The following DOK6 variants were observed in gnomAD, a reference collection of about 807,000 sequenced individuals.
DOK6 encodes downstream of tyrosine kinase 6.
A neutral mutation model predicts 44.0 loss-of-function variants in DOK6; 22 were observed. That is an observed-to-expected ratio of 0.50 (90% CI 0.36 to 0.71). The LOEUF (loss-of-function observed/expected upper bound fraction) is 0.71, where lower values mean the gene tolerates loss of function less well. Ranked by LOEUF, DOK6 falls within the 30% of genes least tolerant of loss-of-function variation. The probability of loss-of-function intolerance (pLI) is 0.00; values close to 1 mark genes in which losing one functional copy is unlikely to be tolerated. For synonymous variants in DOK6, 166 were observed against 145.5 expected (o/e 1.14, Z -1.01); for missense variants, 340 against 416.4 (o/e 0.82, Z 1.60).
intron 1 of DOK6, among the ~76,000 whole-genome samples, chr18:69,437,789 A>G (rs1230466303): frequency 6.6e-6 from 1 of 152,168 alleles, no homozygotes; most frequent in Admixed American, 6.6e-5. Flanking sequence ...TCATTCAGGC[A>G]TATCTTAAAA....
intron 1 of DOK6, among the ~76,000 whole-genome samples, chr18:69,476,609 C>T (rs1165178138): frequency 6.6e-6 from 1 of 152,102 alleles, no homozygotes; most frequent in South Asian, 2.1e-4. Context: ...CCTCTGCCAC[C>T]CCCAGGTCCA....
chr18:69,595,763 T>C (rs1983726047), intron 2 of DOK6, among the ~76,000 whole-genome samples: 1 of 152,148 alleles, frequency 6.6e-6, no homozygotes, highest in African/African-American at 2.4e-5. Context: ...AGTTATGAGA[T>C]TAATAATTTA....
chr18:69,701,686 T>C (rs1986524089), intron 5 of DOK6, among the ~76,000 whole-genome samples: 1 of 152,216 alleles, frequency 6.6e-6, no homozygotes, highest in Non-Finnish European at 1.5e-5. Flanking sequence ...GCTTAAAATA[T>C]GTGTCTCACT....
At chr18:69,522,124 C>T (rs1442675) in intron 1 of DOK6, among the ~76,000 whole-genome samples, 4 of 151,468 alleles carry the variant, frequency 2.6e-5, no homozygotes, top group East Asian at 1.9e-4. Flanking sequence ...TGAATCCCTT[C>T]GAATGGACCT....
At chr18:69,686,121 A>G (rs1463134892) in intron 4 of DOK6, among the ~76,000 whole-genome samples, 3 of 152,092 alleles carry the variant, frequency 2.0e-5, no homozygotes, top group Non-Finnish European at 4.4e-5. Flanking sequence ...AGGGAAAACC[A>G]TATAAAGATA....
At chr18:69,770,257 A>C (rs901685348) in intron 7 of DOK6, among the ~76,000 whole-genome samples, 3 of 152,152 alleles carry the variant, frequency 2.0e-5, no homozygotes, top group South Asian at 2.1e-4. Context: ...TGGCACACAA[A>C]GATAAAATAA....
intron 3 of DOK6, among the ~76,000 whole-genome samples, chr18:69,646,045 T>G (rs1305153698): frequency 6.6e-6 from 1 of 152,164 alleles, no homozygotes; most frequent in Non-Finnish European, 1.5e-5. Flanking sequence ...CTAGTATTTA[T>G]TATATGTATT....
chr18:69,471,227 G>A (rs1460503010), intron 1 of DOK6, among the ~76,000 whole-genome samples: 4 of 92,084 alleles, frequency 4.3e-5, no homozygotes, highest in African/African-American at 7.6e-5. Context: ...TCTAGCCTGG[G>A]CAACAAAAGC....
rs117288370 is a variant in DOK6, at chr18:69,816,545, C to T, written c.857-24699C>T. 5.7e-3 allele frequency among the ~76,000 whole-genome samples: 861 copies of T among 152,182 alleles called. 18 individuals carry two copies. In the East Asian group the frequency reaches 0.076, roughly 13 times the overall value. On this transcript the variant is annotated intron_variant, in intron 7 of 7. Transcript: ENST00000382713. ...CTTTGGAGTATTATATCTTCCTCCA[C>T]GATAAACATAAATATTATGTATGGA...
At chr18:69,737,612 G>A (rs979825022) in intron 5 of DOK6, among the ~76,000 whole-genome samples, 4 of 152,148 alleles carry the variant, frequency 2.6e-5, no homozygotes, top group African/African-American at 9.7e-5. Context: ...AAACACTGAA[G>A]AAAGAACATC....
intron 1 of DOK6, among the ~76,000 whole-genome samples, chr18:69,445,586 G>A (rs1299258343): frequency 6.6e-6 from 1 of 151,906 alleles, no homozygotes; most frequent in African/African-American, 2.4e-5. Flanking sequence ...TCAGTCTATT[G>A]TGGCATATTA....
intron 3 of DOK6, among the ~76,000 whole-genome samples, chr18:69,656,588 A>C (rs539867374): frequency 6.6e-6 from 1 of 152,222 alleles, no homozygotes. Flanking sequence ...AAATAAGTCA[A>C]AAAGTTGCTA....
intron 2 of DOK6, among the ~76,000 whole-genome samples, chr18:69,578,382 G>T (rs938646193): frequency 6.6e-6 from 1 of 152,132 alleles, no homozygotes; most frequent in Non-Finnish European, 1.5e-5. Flanking sequence ...TTGTGTAAAA[G>T]TCATTTCTGC....
At chr18:69,745,630 G>T (rs555558388) in intron 6 of DOK6, among the ~76,000 whole-genome samples, 21 of 123,804 alleles carry the variant, frequency 1.7e-4, no homozygotes, top group Non-Finnish European at 2.2e-4. Context: ...AACACAGTAG[G>T]ATTTCAGAGA....
intron 2 of DOK6, among the ~76,000 whole-genome samples, chr18:69,598,584 A>G (rs1983801004): frequency 6.6e-6 from 1 of 152,166 alleles, no homozygotes; most frequent in East Asian, 1.9e-4. Flanking sequence ...CACCTTGATA[A>G]GCAGATTTTA....
At chr18:69,555,296 G>A (rs751476750) in intron 1 of DOK6, among the ~76,000 whole-genome samples, 10 of 152,010 alleles carry the variant, frequency 6.6e-5, no homozygotes, top group Non-Finnish European at 1.2e-4. Context: ...GTTAAGTGTC[G>A]CCATTTTGGA....
intron 7 of DOK6, among the ~76,000 whole-genome samples, chr18:69,801,202 T>A (rs536975486): frequency 6.6e-6 from 1 of 152,218 alleles, no homozygotes; most frequent in African/African-American, 2.4e-5. Context: ...GCCTTGGGCA[T>A]TTTCCCCAAT....
At chr18:69,645,007 A>G (rs1160344248) in intron 3 of DOK6, among the ~76,000 whole-genome samples, 1 of 152,238 alleles carries the variant, frequency 6.6e-6, no homozygotes, top group East Asian at 1.9e-4. Flanking sequence ...AATTTCAAAC[A>G]TGGTAGAGAG....
chr18:69,449,084 C>T (rs1439907744), intron 1 of DOK6, among the ~76,000 whole-genome samples: 1 of 152,182 alleles, frequency 6.6e-6, no homozygotes, highest in Non-Finnish European at 1.5e-5. Context: ...AGATCTTTCG[C>T]TCTCTTTAGT....
Sources: gnomAD v4.1 joint callset for allele counts (sites outside exome capture counted in the v4.1 genomes callset) on GRCh38, gnomAD v4.1.1 for gene constraint, MANE v1.5 for transcripts, NCBI Gene and HGNC (gene_info 2026-07-23, HGNC 2026-07-21) for gene names.